Variants in WWOX observed in about 807,000 individuals in gnomAD.
WWOX encodes the protein WW domain-containing oxidoreductase.
In WWOX, 69 loss-of-function variants were observed where a neutral mutation model predicts 46.2. The observed-to-expected ratio is 1.49, with a 90% CI of 1.23 to 1.82. The LOEUF (loss-of-function observed/expected upper bound fraction) is 1.82, where lower values mean the gene tolerates loss of function less well. Among genes scored for constraint, WWOX ranks in the 40% most tolerant of loss-of-function variants. WWOX has a pLI of 0.00. For missense variants in WWOX, 919 were observed against 542.6 expected (o/e 1.69, Z -6.89); for synonymous variants, 359 against 202.6 (o/e 1.77, Z -6.56).
At chr16:79,058,121 C>A (rs75084996) in intron 8 of WWOX, among the ~76,000 whole-genome samples, 139 of 29,602 alleles carry the variant, frequency 4.7e-3, no homozygotes, top group Middle Eastern at 0.013. Flanking sequence ...AAAAAAAAAA[C>A]AAACAAACAA....
intron 5 of WWOX, among the ~76,000 whole-genome samples, chr16:78,220,379 G>T (rs1236440145): frequency 6.8e-6 from 1 of 146,418 alleles, no homozygotes; most frequent in Non-Finnish European, 1.5e-5. Context: ...TTCACTTTCA[G>T]TCATTACTGA....
At chr16:78,772,869 C>A (rs1446343375) in intron 8 of WWOX, among the ~76,000 whole-genome samples, 10 of 151,754 alleles carry the variant, frequency 6.6e-5, no homozygotes, top group Admixed American at 6.6e-4. Flanking sequence ...AAGTAAAAAT[C>A]AAAAAAATAA....
At chr16:78,207,628 GA>G (rs2036435353) in intron 5 of WWOX, among the ~76,000 whole-genome samples, 1 of 151,122 alleles carries the variant, frequency 6.6e-6, no homozygotes, top group South Asian at 2.1e-4. Context: ...TCTTTAGTTT[GA>G]AGATACAATA....
chr16:79,136,280 G>T (rs964978932), intron 8 of WWOX, among the ~76,000 whole-genome samples: 1 of 151,562 alleles, frequency 6.6e-6, no homozygotes, highest in African/African-American at 2.4e-5. Context: ...TGCCAGGCTG[G>T]AGTGCAGTGG....
chr16:78,470,154 G>A (rs752088078), intron 8 of WWOX, among the ~76,000 whole-genome samples: 1 of 152,174 alleles, frequency 6.6e-6, no homozygotes, highest in African/African-American at 2.4e-5. Context: ...TGACACATGT[G>A]GCTTCCAGCA....
chr16:78,132,933 A>G (rs1246555173), intron 4 of WWOX, among the ~76,000 whole-genome samples: 1 of 152,192 alleles, frequency 6.6e-6, no homozygotes, highest in Admixed American at 6.5e-5. Flanking sequence ...TTGAACATGA[A>G]GTAGAGAATC....
chr16:78,105,547 G>C (rs2032086109), intron 1 of WWOX, among the ~76,000 whole-genome samples: 1 of 151,994 alleles, frequency 6.6e-6, no homozygotes, highest in Admixed American at 6.5e-5. Context: ...TGAAAGTCAA[G>C]AACGTAGGTT....
chr16:78,951,209 A>T (rs761948604), intron 8 of WWOX, among the ~76,000 whole-genome samples: 2 of 152,236 alleles, frequency 1.3e-5, no homozygotes, highest in African/African-American at 4.8e-5. Context: ...TGGCGCGGTC[A>T]TAATTCTATT....
At chr16:79,067,410 C>G (rs1323522275) in intron 8 of WWOX, among the ~76,000 whole-genome samples, 3 of 152,132 alleles carry the variant, frequency 2.0e-5, no homozygotes, top group Non-Finnish European at 4.4e-5. Context: ...ACCTCCTTGA[C>G]CTTTCTTAAA....
intron 8 of WWOX, among the ~76,000 whole-genome samples, chr16:78,443,808 G>C (rs1478852003): frequency 6.6e-6 from 1 of 151,900 alleles, no homozygotes; most frequent in Non-Finnish European, 1.5e-5. Context: ...TTTCTTTTAA[G>C]TTTGTGGTGC....
chr16:78,304,561 C>G (rs1193434710), intron 5 of WWOX, among the ~76,000 whole-genome samples: 1 of 152,166 alleles, frequency 6.6e-6, no homozygotes, highest in Non-Finnish European at 1.5e-5. Context: ...ATTCACTTCA[C>G]AATATTTCAT....
At chr16:78,746,045 G>C (rs996176194) in intron 8 of WWOX, among the ~76,000 whole-genome samples, 8 of 152,058 alleles carry the variant, frequency 5.3e-5, no homozygotes, top group African/African-American at 1.7e-4. Flanking sequence ...AGGTGGAGGG[G>C]GGCTACTCTA....
At chr16:78,794,002 C>G (rs1417422257) in intron 8 of WWOX, among the ~76,000 whole-genome samples, 1 of 152,076 alleles carries the variant, frequency 6.6e-6, no homozygotes, top group Non-Finnish European at 1.5e-5. Flanking sequence ...CTTAGTAACA[C>G]AGGCTTTGGG....
At chr16:78,898,814 A>G (rs1017287732) in intron 8 of WWOX, 2 of 152,106 alleles carry the variant, frequency 1.3e-5, no homozygotes, top group African/African-American at 4.8e-5. Flanking sequence ...ATGATTTTGA[A>G]TGTGGAGGTC....
chr16:78,502,472 C>T (rs1597175997), intron 8 of WWOX, among the ~76,000 whole-genome samples: 1 of 152,294 alleles, frequency 6.6e-6, no homozygotes, highest in East Asian at 1.9e-4. Flanking sequence ...TTCCTCTTAG[C>T]ATCATGTTTT....
chr16:79,048,054 C>G (rs1032616740), intron 8 of WWOX, among the ~76,000 whole-genome samples: 1 of 152,118 alleles, frequency 6.6e-6, no homozygotes, highest in African/African-American at 2.4e-5. Flanking sequence ...CCTAAGATGC[C>G]AGGGACTCAC....
intron 8 of WWOX, among the ~76,000 whole-genome samples, chr16:79,057,588 G>T (rs2048286611): frequency 6.6e-6 from 1 of 152,098 alleles, no homozygotes; most frequent in African/African-American, 2.4e-5. Context: ...TGATTTTGGG[G>T]GGGGCACCAG....
chr16:79,197,085 C>A (rs1411036297), intron 8 of WWOX, among the ~76,000 whole-genome samples: 1 of 152,132 alleles, frequency 6.6e-6, no homozygotes, highest in East Asian at 1.9e-4. Context: ...GCCAGGGGAG[C>A]TACCTGAGTG....
At chr16:78,155,234 A>AAGGG (rs1219816621) in intron 4 of WWOX, among the ~76,000 whole-genome samples, 1 of 150,818 alleles carries the variant, frequency 6.6e-6, no homozygotes, top group African/African-American at 2.4e-5. Context: ...GAGAAGGAGG[A>AAGGG]AGGGAGGGAG....
Sources: allele counts gnomAD v4.1 joint callset (sites outside exome capture counted in the v4.1 genomes callset), GRCh38; gene constraint gnomAD v4.1.1; transcripts MANE v1.5; gene names NCBI Gene and HGNC (gene_info 2026-07-23, HGNC 2026-07-21).